Variants in CNTNAP5 observed in about 807,000 individuals in gnomAD.
CNTNAP5 encodes contactin-associated protein-like 5.
In CNTNAP5, 72 loss-of-function variants were observed where a neutral mutation model predicts 150.2. The observed-to-expected ratio is 0.48, with a 90% CI of 0.40 to 0.58. The LOEUF (loss-of-function observed/expected upper bound fraction) is 0.58. CNTNAP5 is among the 20% of genes least tolerant of loss of function. The pLI, the probability that CNTNAP5 is intolerant of heterozygous loss-of-function variation, is 0.00. For synonymous variants in CNTNAP5, 672 were observed against 619.8 expected (o/e 1.08, Z -1.25); for missense variants, 1,636 against 1,626.2 (o/e 1.01, Z -0.10).
At position 124,914,368 on chromosome 2, in the gene CNTNAP5, G is replaced by T; in HGVS notation, c.*80G>T. ...CCTCTTCTCTCCTGTCTTTTGATTT[G>T]GTCATTCTCTTTATTTTCTGCTTGC... On this transcript the variant is annotated 3_prime_UTR_variant, in exon 24 of 24. Transcript: ENST00000682447. 9.6e-7 allele frequency: 1 copy of T among 1,041,354 alleles called. No individual in the cohort carries two copies. The highest frequency in any genetic ancestry group is 1.6e-5 in the African/African-American group (1 of 62,212). The allele number at this position is 1,041,354 out of a possible 1,614,324, so 64.5% of individuals were successfully genotyped here. A position where few individuals can be genotyped will look rare whatever the true frequency, so the allele number is the denominator to read the frequency against.
At chr2:124,565,574 CTTTTTTTTTTTTTTTTTTTTTTTTT>C (rs776732335) in intron 11 of CNTNAP5, among the ~76,000 whole-genome samples, 6 of 68,432 alleles carry the variant, frequency 8.8e-5, no homozygotes, top group Admixed American at 2.3e-4. Flanking sequence ...TACCTAGATC[CTTTTTTTTTTTTTTTTTTTTTTTTT>C]TTTTTTTTTT....
chr2:124,262,534 C>G (rs920983899), intron 3 of CNTNAP5, among the ~76,000 whole-genome samples: 1 of 152,068 alleles, frequency 6.6e-6, no homozygotes, highest in African/African-American at 2.4e-5. Flanking sequence ...CCCCGGTTCA[C>G]CTTTTACTTC....
chr2:124,851,405 T>C (rs183382987), intron 19 of CNTNAP5, among the ~76,000 whole-genome samples: 4 of 152,280 alleles, frequency 2.6e-5, no homozygotes, highest in Admixed American at 1.3e-4. Context: ...CAAAAAATGC[T>C]AATGGGAATT....
At chr2:124,690,823 A>G (rs181569922) in intron 13 of CNTNAP5, among the ~76,000 whole-genome samples, 93 of 152,260 alleles carry the variant, frequency 6.1e-4, no homozygotes, top group Non-Finnish European at 8.4e-4. Flanking sequence ...TCTCCTGAAT[A>G]TATTCCCATG....
At chr2:124,545,221 A>G (rs1695484728) in intron 10 of CNTNAP5, among the ~76,000 whole-genome samples, 1 of 152,124 alleles carries the variant, frequency 6.6e-6, no homozygotes, top group Admixed American at 6.6e-5. Context: ...TAAAATCTCC[A>G]ATAGCATACT....
At chr2:124,250,640 C>T (rs558764758) in intron 3 of CNTNAP5, among the ~76,000 whole-genome samples, 1 of 151,852 alleles carries the variant, frequency 6.6e-6, no homozygotes, top group Non-Finnish European at 1.5e-5. Flanking sequence ...GTCCTGGCAG[C>T]ATACAGGGGA....
intron 17 of CNTNAP5, among the ~76,000 whole-genome samples, chr2:124,786,270 A>G (rs1056649165): frequency 1.3e-5 from 2 of 150,656 alleles, no homozygotes; most frequent in African/African-American, 2.5e-5. Flanking sequence ...CTCAAAAATA[A>G]AACAAATAGG....
intron 13 of CNTNAP5, among the ~76,000 whole-genome samples, chr2:124,719,970 A>T (rs951285150): frequency 9.9e-5 from 15 of 152,172 alleles, no homozygotes; most frequent in Admixed American, 9.8e-4. Context: ...GGGGAAAGCC[A>T]TGGAGAAAGA....
At chr2:124,769,044 C>A (rs761710969) in intron 16 of CNTNAP5, among the ~76,000 whole-genome samples, 7 of 152,198 alleles carry the variant, frequency 4.6e-5, no homozygotes, top group African/African-American at 1.4e-4. Flanking sequence ...TTCCATAAAT[C>A]GACCCTGAAA....
intron 1 of CNTNAP5, among the ~76,000 whole-genome samples, chr2:124,208,390 T>C (rs1573836736): frequency 6.6e-6 from 1 of 152,354 alleles, no homozygotes; most frequent in African/African-American, 2.4e-5. Context: ...TATAAGGAAC[T>C]CTCAATAATT....
intron 3 of CNTNAP5, among the ~76,000 whole-genome samples, chr2:124,339,754 G>C (rs1250710377): frequency 6.6e-6 from 1 of 152,070 alleles, no homozygotes; most frequent in African/African-American, 2.4e-5. Context: ...TTCCCCAAAG[G>C]CTTGGAAGGT....
At chr2:124,778,375 G>C (rs1258281625) in intron 17 of CNTNAP5, 1 of 152,192 alleles carries the variant, frequency 6.6e-6, no homozygotes, top group African/African-American at 2.4e-5. Context: ...AGTCCTACTG[G>C]CCAAGTTATA....
intron 10 of CNTNAP5, among the ~76,000 whole-genome samples, chr2:124,550,368 A>G (rs1309183113): frequency 2.0e-5 from 3 of 152,134 alleles, no homozygotes; most frequent in Non-Finnish European, 4.4e-5. Context: ...CTTATTATAA[A>G]TGCGGAACCT....
At chr2:124,098,890 G>A (rs1027366157) in intron 1 of CNTNAP5, among the ~76,000 whole-genome samples, 2 of 152,108 alleles carry the variant, frequency 1.3e-5, no homozygotes, top group Non-Finnish European at 1.5e-5. Flanking sequence ...TCCTGTGGAC[G>A]CAGCATCACT....
rs368528415 is a variant in CNTNAP5 at position 124,056,021 on chromosome 2, T to C, written c.82+30289T>C. On this transcript the variant is annotated intron_variant, in intron 1 of 23. Coordinates refer to ENST00000682447, the MANE Select transcript of CNTNAP5 (RefSeq NM_001367498.1). ...CTTCATCTCCCTCTCTGCTGGCTCT[T>C]TCCCATTTGAATTAAAGCATACTTC... is the stretch of plus-strand genomic sequence containing the variant. Among the ~76,000 whole-genome samples, 244 of 152,314 alleles carry C rather than the reference T, an allele frequency of 1.6e-3. 1 individual carries two copies. Among genetic ancestry groups the C allele is most frequent in the South Asian group, 0.011 (55 of 4,828 alleles).
chr2:124,408,203 T>G, intron 3 of CNTNAP5, among the ~76,000 whole-genome samples: 1 of 152,076 alleles, frequency 6.6e-6, no homozygotes, highest in Non-Finnish European at 1.5e-5. Flanking sequence ...CACCACGAGA[T>G]TATATCTCGC....
chr2:124,175,235 A>G (rs1190945774), intron 1 of CNTNAP5, among the ~76,000 whole-genome samples: 2 of 152,218 alleles, frequency 1.3e-5, no homozygotes, highest in East Asian at 1.9e-4. Flanking sequence ...ACACATACAT[A>G]TGTATGTATA....
chr2:124,755,273 T>A (rs569317080), intron 14 of CNTNAP5, among the ~76,000 whole-genome samples: 102 of 152,306 alleles, frequency 6.7e-4, no homozygotes, highest in African/African-American at 2.3e-3. Flanking sequence ...CTTATAAATA[T>A]ACTATCACTA....
At chr2:124,326,101 T>C (rs1306220843) in intron 3 of CNTNAP5, among the ~76,000 whole-genome samples, 1 of 152,062 alleles carries the variant, frequency 6.6e-6, no homozygotes, top group Non-Finnish European at 1.5e-5. Context: ...CAGAGTGGAG[T>C]GCAGCCACGG....
Sources: allele counts gnomAD v4.1 joint callset (sites outside exome capture counted in the v4.1 genomes callset), GRCh38; gene constraint gnomAD v4.1.1; transcripts MANE v1.5; gene names NCBI Gene and HGNC (gene_info 2026-07-23, HGNC 2026-07-21).